The following ATOSA variants were observed in gnomAD, a reference collection of about 807,000 sequenced individuals.
ATOSA encodes the protein atos homolog protein A.
the ATOSA span, among the ~76,000 whole-genome samples, chr15:52,671,149 T>C: frequency 1.6e-4 from 25 of 152,306 alleles, no homozygotes; most frequent in Non-Finnish European, 7.4e-5. Flanking sequence ...CTGGAAACCA[T>C]TGTCACTAAA....
At chr15:52,624,131 G>T in the ATOSA span, among the ~76,000 whole-genome samples, 1 of 152,126 alleles carries the variant, frequency 6.6e-6, no homozygotes, top group East Asian at 1.9e-4. Flanking sequence ...CCTAGCTATT[G>T]TCTAGGACTC....
At chr15:52,605,728 T>C in the ATOSA span, among the ~76,000 whole-genome samples, 2 of 152,128 alleles carry the variant, frequency 1.3e-5, no homozygotes, top group Non-Finnish European at 2.9e-5. Flanking sequence ...GTAAATGCTT[T>C]ATATGGTCAT....
At chr15:52,689,805 A>C in the ATOSA span, among the ~76,000 whole-genome samples, 205 of 152,330 alleles carry the variant, frequency 1.3e-3, no homozygotes, top group African/African-American at 4.9e-3. Flanking sequence ...AGTGATGTGC[A>C]TCAGACATGC....
the ATOSA span, among the ~76,000 whole-genome samples, chr15:52,653,591 A>C: frequency 6.6e-6 from 1 of 152,188 alleles, no homozygotes; most frequent in Non-Finnish European, 1.5e-5. Context: ...AGCTGTGTTC[A>C]AAACATGAAT....
At chr15:52,590,651 A>G in the ATOSA span, 2 of 152,236 alleles carry the variant, frequency 1.3e-5, no homozygotes, top group Non-Finnish European at 2.9e-5. Context: ...TCTTACCAAA[A>G]CATAATCACA....
chr15:52,650,289 G>A, the ATOSA span, among the ~76,000 whole-genome samples: 2 of 151,958 alleles, frequency 1.3e-5, no homozygotes, highest in Non-Finnish European at 2.9e-5. Context: ...ATATTGTGGA[G>A]GCCACCAAGT....
chr15:52,657,356 A>G, the ATOSA span: 1 of 152,200 alleles, frequency 6.6e-6, no homozygotes, highest in Non-Finnish European at 1.5e-5. Flanking sequence ...AGACTCAATC[A>G]TTAAGTCCCC....
the ATOSA span, among the ~76,000 whole-genome samples, chr15:52,614,863 A>T: frequency 3.3e-5 from 5 of 152,142 alleles, no homozygotes; most frequent in Admixed American, 6.5e-5. Context: ...AAAAAAATTA[A>T]TATTTTTGGA....
At chr15:52,664,473 TG>T in the ATOSA span, among the ~76,000 whole-genome samples, 102 of 152,328 alleles carry the variant, frequency 6.7e-4, 2 homozygotes, top group East Asian at 0.018. Context: ...AGAAAAGAAT[TG>T]CTATTCCCAT....
chr15:52,667,576 AG>A, the ATOSA span, among the ~76,000 whole-genome samples: 1 of 152,226 alleles, frequency 6.6e-6, no homozygotes, highest in Non-Finnish European at 1.5e-5. Flanking sequence ...TGGCTCAGAG[AG>A]GAAAAAAGGC....
At chr15:52,592,278 A>G in the ATOSA span, among the ~76,000 whole-genome samples, 1 of 152,206 alleles carries the variant, frequency 6.6e-6, no homozygotes, top group Non-Finnish European at 1.5e-5. Context: ...AGACTAGGCT[A>G]TAATGTTCAA....
chr15:52,595,921 G>A, the ATOSA span, among the ~76,000 whole-genome samples: 1 of 152,116 alleles, frequency 6.6e-6, no homozygotes, highest in Non-Finnish European at 1.5e-5. Flanking sequence ...AAAAGCCTGT[G>A]CAAACACAGC....
chr15:52,660,578 G>T, the ATOSA span, among the ~76,000 whole-genome samples: 1 of 152,116 alleles, frequency 6.6e-6, no homozygotes. Flanking sequence ...TTTATCTTAC[G>T]CACTGAAGAA....
the ATOSA span, chr15:52,605,310 T>C: frequency 8.1e-7 from 1 of 1,228,038 alleles, no homozygotes; most frequent in Non-Finnish European, 1.1e-6. Context: ...ACTTGGACAG[T>C]GTTTTTGTTT....
chr15:52,660,441 A>C, the ATOSA span, among the ~76,000 whole-genome samples: 14 of 152,170 alleles, frequency 9.2e-5, no homozygotes, highest in African/African-American at 3.4e-4. Flanking sequence ...CCCCTTACAC[A>C]GCTGGTGCCT....
chr15:52,610,933 C>T, the ATOSA span, among the ~76,000 whole-genome samples: 2 of 152,150 alleles, frequency 1.3e-5, no homozygotes, highest in African/African-American at 2.4e-5. Context: ...ATTATTCATA[C>T]CAAATTTAAT....
chr15:52,608,656 G>C, the ATOSA span: 7 of 1,611,736 alleles, frequency 4.3e-6, no homozygotes, highest in South Asian at 3.3e-5. Context: ...TTTTTCATTA[G>C]TTGGATCTTC....
chr15:52,658,438 A>G, the ATOSA span: 1 of 281,304 alleles, frequency 3.6e-6, no homozygotes, highest in Non-Finnish European at 6.5e-6. Flanking sequence ...TTTATAAAGT[A>G]CTTATCATTT....
At chr15:52,620,328 T>C in the ATOSA span, among the ~76,000 whole-genome samples, 2 of 152,208 alleles carry the variant, frequency 1.3e-5, no homozygotes, top group South Asian at 4.1e-4. Flanking sequence ...TCTGAGAATT[T>C]ATTCTTTGTT....
Sources: gnomAD v4.1 joint callset for allele counts (sites outside exome capture counted in the v4.1 genomes callset) on GRCh38, gnomAD v4.1.1 for gene constraint, MANE v1.5 for transcripts, NCBI Gene and HGNC (gene_info 2026-07-23, HGNC 2026-07-21) for gene names.